The following BTBD9 variants were observed in gnomAD, a reference collection of about 807,000 sequenced individuals.
BTBD9 encodes BTB domain containing 9.
BTBD9 carries 49 observed loss-of-function variants against 64.3 expected under a neutral mutation model. The ratio of observed to expected loss-of-function variants is 0.76; its 90% CI spans 0.61 to 0.97. The LOEUF (loss-of-function observed/expected upper bound fraction) is 0.97, where lower values mean the gene tolerates loss of function less well. BTBD9 is among the 50% of genes least tolerant of loss of function. BTBD9 has a pLI of 0.00. For missense variants in BTBD9, 598 were observed against 762.1 expected, an observed-to-expected ratio of 0.78 and a Z score of 2.53; for synonymous variants, 260 against 274.7, an observed-to-expected ratio of 0.95 and a Z score of 0.53.
intron 6 of BTBD9, among the ~76,000 whole-genome samples, chr6:38,454,484 T>C (rs1284909138): frequency 2.8e-5 from 4 of 142,170 alleles, no homozygotes; most frequent in Non-Finnish European, 4.6e-5. Context: ...ATAGGGCCAA[T>C]ATTTAATTAT....
intron 6 of BTBD9, among the ~76,000 whole-genome samples, chr6:38,429,618 G>C (rs565054120): frequency 6.6e-6 from 1 of 151,954 alleles, no homozygotes; most frequent in Admixed American, 6.5e-5. Flanking sequence ...AAGTTACACT[G>C]CATCTACAGT....
intron 7 of BTBD9, among the ~76,000 whole-genome samples, chr6:38,311,310 G>A (rs1010938864): frequency 2.7e-5 from 4 of 150,718 alleles, no homozygotes; most frequent in Non-Finnish European, 5.9e-5. Context: ...GAGTTCAATT[G>A]TTTTCATTTT....
At chr6:38,534,334 T>G (rs1773921350) in intron 6 of BTBD9, among the ~76,000 whole-genome samples, 1 of 151,544 alleles carries the variant, frequency 6.6e-6, no homozygotes, top group Non-Finnish European at 1.5e-5. Context: ...AATCCAAAAT[T>G]TAAACAGACC....
intron 10 of BTBD9, chr6:38,179,951 T>A: frequency 2.5e-6 from 1 of 405,738 alleles, no homozygotes; most frequent in South Asian, 1.8e-5. Flanking sequence ...GATCTGGGCC[T>A]TGGCACCTCA....
chr6:38,426,720 T>C (rs1479285354), intron 6 of BTBD9, among the ~76,000 whole-genome samples: 1 of 151,892 alleles, frequency 6.6e-6, no homozygotes, highest in Non-Finnish European at 1.5e-5. Context: ...GTCACTGGGT[T>C]CCACGGTTCT....
At chr6:38,622,202 G>T (rs1582731386) in intron 1 of BTBD9, among the ~76,000 whole-genome samples, 1 of 152,200 alleles carries the variant, frequency 6.6e-6, no homozygotes, top group South Asian at 2.1e-4. Flanking sequence ...CCGTTGTAAG[G>T]CCCCTCTGGG....
chr6:38,565,100 T>C (rs557475449), intron 6 of BTBD9, among the ~76,000 whole-genome samples: 1 of 152,304 alleles, frequency 6.6e-6, no homozygotes, highest in African/African-American at 2.4e-5. Context: ...TTTTTCTCCA[T>C]ATTCAATCAA....
At chr6:38,465,403 G>A (rs979952840) in intron 6 of BTBD9, among the ~76,000 whole-genome samples, 1 of 148,426 alleles carries the variant, frequency 6.7e-6, no homozygotes, top group Admixed American at 6.8e-5. Context: ...AGATCACGAG[G>A]TCAGGAAATC....
chr6:38,195,286 CA>C (rs940713398), intron 9 of BTBD9, among the ~76,000 whole-genome samples: 1 of 152,190 alleles, frequency 6.6e-6, no homozygotes, highest in Non-Finnish European at 1.5e-5. Context: ...TTAGTCAATG[CA>C]AAACCTTGAC....
rs72853660 is a variant in BTBD9 at position 38,170,352 on chromosome 6, G to A, written c.*4633C>T. ...GGGTGAGCACGCTGTCCCTCGGAGC[G>A]TCCTCAGTGGTGCAGCCAAGAGCCA... On this transcript the variant is annotated 3_prime_UTR_variant, in exon 11 of 11. Coordinates refer to ENST00000481247, the MANE Select transcript of BTBD9 (RefSeq NM_001099272.2). 0.021 allele frequency: 3,243 copies of A among 152,592 alleles called. 44 individuals are homozygous for A. Among genetic ancestry groups the A allele is most frequent in the African/African-American group, 0.04 (1,660 of 41,518 alleles). The allele number at this position is 152,592 out of a possible 1,614,324, so 9.5% of individuals were successfully genotyped here. A position where few individuals can be genotyped will look rare whatever the true frequency, so the allele number is the denominator to read the frequency against.
intron 1 of BTBD9, among the ~76,000 whole-genome samples, chr6:38,616,698 A>G (rs1399614735): frequency 6.6e-6 from 1 of 152,206 alleles, no homozygotes; most frequent in Non-Finnish European, 1.5e-5. Flanking sequence ...GCGCTTTGAT[A>G]GGACAGAAAC....
chr6:38,578,364 C>G (rs1776145791), intron 5 of BTBD9, among the ~76,000 whole-genome samples: 1 of 152,192 alleles, frequency 6.6e-6, no homozygotes, highest in African/African-American at 2.4e-5. Flanking sequence ...CGAAAACAGC[C>G]TATAATCCTC....
At chr6:38,389,015 T>C (rs1582345131) in intron 6 of BTBD9, among the ~76,000 whole-genome samples, 2 of 152,188 alleles carry the variant, frequency 1.3e-5, no homozygotes, top group East Asian at 3.8e-4. Flanking sequence ...TATTTTTAGC[T>C]CTATGTAATG....
intron 9 of BTBD9, among the ~76,000 whole-genome samples, chr6:38,229,986 C>T (rs1213957394): frequency 6.6e-6 from 1 of 152,188 alleles, no homozygotes; most frequent in East Asian, 1.9e-4. Context: ...AGACCTTTCT[C>T]TCCTCTCCCT....
intron 1 of BTBD9, among the ~76,000 whole-genome samples, chr6:38,627,626 G>A (rs921448492): frequency 6.6e-6 from 1 of 152,112 alleles, no homozygotes; most frequent in African/African-American, 2.4e-5. Flanking sequence ...TCAAAGAGGT[G>A]GAACTGGATG....
At chr6:38,327,802 C>T (rs1763500427) in intron 7 of BTBD9, among the ~76,000 whole-genome samples, 1 of 152,178 alleles carries the variant, frequency 6.6e-6, no homozygotes, top group Admixed American at 6.5e-5. Flanking sequence ...TCACACAGTA[C>T]ATATTTTTTC....
intron 8 of BTBD9, among the ~76,000 whole-genome samples, chr6:38,287,647 G>A (rs1761795597): frequency 6.6e-6 from 1 of 152,184 alleles, no homozygotes; most frequent in South Asian, 2.1e-4. Flanking sequence ...CTAGGTTTGT[G>A]TAAGGACACT....
At chr6:38,575,766 C>T (rs940222732) in intron 6 of BTBD9, among the ~76,000 whole-genome samples, 2 of 152,064 alleles carry the variant, frequency 1.3e-5, no homozygotes, top group South Asian at 2.1e-4. Context: ...TTATCATTAT[C>T]ACTAACATCA....
rs150843848 is a variant in BTBD9 at position 38,446,816 on chromosome 6, GC to G, written c.1155-101724del. Reference sequence around the variant, plus strand: ...CAGTTTGTTGGACGTCAAAGCCAATGCTCACTATACTACACTAAATAGCTAG... The same window carrying G: ...CAGTTTGTTGGACGTCAAAGCCAATGTCACTATACTACACTAAATAGCTAG... On this transcript the variant is annotated intron_variant, in intron 6 of 10. Coordinates refer to ENST00000481247, the MANE Select transcript of BTBD9 (RefSeq NM_001099272.2). Among the ~76,000 whole-genome samples the G allele has an allele frequency of 3.5e-3, 535 of 152,318 alleles. 3 individuals are homozygous for G. The highest frequency in any genetic ancestry group is 0.012 in the African/African-American group (496 of 41,580).
Sources: gnomAD v4.1 joint callset for allele counts (sites outside exome capture counted in the v4.1 genomes callset) on GRCh38, gnomAD v4.1.1 for gene constraint, MANE v1.5 for transcripts, NCBI Gene and HGNC (gene_info 2026-07-23, HGNC 2026-07-21) for gene names.